The following ESCO2 variants were observed in gnomAD, a reference collection of about 807,000 sequenced individuals.
ESCO2 encodes N-acetyltransferase ESCO2.
A neutral mutation model predicts 61.7 loss-of-function variants in ESCO2; 51 were observed. The ratio of observed to expected loss-of-function variants is 0.83; its 90% confidence interval spans 0.66 to 1.04. The LOEUF is 1.04. Among genes scored for constraint, ESCO2 ranks in the 50% least tolerant of loss-of-function variants. The pLI, the probability that ESCO2 is intolerant of heterozygous loss-of-function variation, is 0.00. For missense variants in ESCO2, 692 were observed against 686.2 expected (o/e 1.01, Z -0.09); for synonymous variants, 230 against 238.2 (o/e 0.97, Z 0.32).
At chr8:27,806,705 C>T (rs1324009833), downstream of ESCO2, among the ~76,000 whole-genome samples, 1 of 151,816 alleles carries the variant, frequency 6.6e-6, no homozygotes, top group Non-Finnish European at 1.5e-5. Context: ...CTGCAACCTC[C>T]ACCTCCCGGG....
Position 27,788,846 on chromosome 8 carries a change from G to T in ESCO2, c.1132-1G>T, listed in dbSNP as rs1468175506. On this transcript the variant is annotated splice_acceptor_variant, in intron 6 of 10. Transcript: ENST00000305188. LOFTEE classifies it high-confidence loss of function. The stretch of plus-strand genomic sequence containing the variant: ...TTTCTTTTTTTACCCCCCAATTATA[G>T]GACGCTGGTCAGAAACATTTTGGGG... The T allele has an allele frequency of 6.2e-7, 1 of 1,613,856 alleles. No individual in the cohort carries two copies. Among genetic ancestry groups the T allele is most frequent in the Non-Finnish European group, 8.5e-7 (1 of 1,179,984 alleles).
At chr8:27,803,222 C>T in intron 10 of ESCO2, 84 bp from the exon 11 acceptor site, 1 of 1,227,854 alleles carries the variant, frequency 8.1e-7, no homozygotes. Flanking sequence ...TGATTTAAGT[C>T]AAGAGTATTT....
downstream of ESCO2, among the ~76,000 whole-genome samples, chr8:27,807,494 A>G (rs1805585293): frequency 6.6e-6 from 1 of 152,052 alleles, no homozygotes. Context: ...TTTTAATGTT[A>G]TTGGCTTCAG....
chr8:27,805,819 G>A (rs1805552957), downstream of ESCO2, among the ~76,000 whole-genome samples: 1 of 151,884 alleles, frequency 6.6e-6, no homozygotes, highest in Admixed American at 6.6e-5. Context: ...TGTCACCATG[G>A]TGCCCAGCCA....
Position 27,791,989 on chromosome 8 carries a change from A to T in ESCO2, c.1290A>T (p.Ala430=), listed in dbSNP as rs1484516561. The T allele has an allele frequency of 9.3e-6, 15 of 1,613,990 alleles. No individual in the cohort carries two copies. Among genetic ancestry groups the T allele is most frequent in the Non-Finnish European group, 1.1e-5 (13 of 1,180,012 alleles). ...GTTGGAAGAAAGAACGTGTAGTAGC[A>T]GAGTTTTGGGATGGGAAAATCGTGT... ...YVGWKKERVV[A]EFWDGKIVLV... The change falls in exon 8 of 11, where the codon GCA becomes GCT. Residue 430 remains alanine, a synonymous_variant. Coordinates refer to ENST00000305188, the MANE Select transcript of ESCO2 (RefSeq NM_001017420.3).
chr8:27,780,143 TGTTTG>T, intron 3 of ESCO2, 26 bp from the exon 4 acceptor site: 2 of 1,313,714 alleles, frequency 1.5e-6, no homozygotes, highest in Non-Finnish European at 1.1e-6. Context: ...AAATTACAGA[TGTTTG>T]GTTTTTTTTT....
chr8:27,795,496 T>C (rs1805274456), intron 9 of ESCO2, among the ~76,000 whole-genome samples: 1 of 152,230 alleles, frequency 6.6e-6, no homozygotes, highest in South Asian at 2.1e-4. Context: ...TAAATTTGAA[T>C]GCCTTTCTTT....
In ESCO2 at chr8:27,802,635, ATATATATATATATATATATAT is replaced by A. The variant is rs1196570179; in HGVS notation, c.1674-652_1674-632del. 5.3e-4 allele frequency among the ~76,000 whole-genome samples: 31 copies of A among 58,826 alleles called. 1 individual carries two copies. The highest frequency in any genetic ancestry group is 0.013 in the Middle Eastern group (1 of 80). 38.6% of individuals were successfully genotyped at this position (58,826 alleles called of 152,430 possible). ...AAAAAAAAAAAAAAAAAAAAAATAT[ATATATATATATATATATATAT>A]TATATATATATATATATAGTTACTG... On this transcript the variant is annotated intron_variant, in intron 10 of 10. Transcript: ENST00000305188.
intron 9 of ESCO2, among the ~76,000 whole-genome samples, chr8:27,793,400 A>ATAGC (rs1805222236): frequency 6.6e-6 from 1 of 152,024 alleles, no homozygotes; most frequent in African/African-American, 2.4e-5. Context: ...TCAAGCTAAT[A>ATAGC]TAGCTATACC....
Position 27,776,542 on chromosome 8 carries a change from A to T in ESCO2, c.234A>T (p.Lys78Asn). Residue 78 changes from lysine to asparagine, a missense_variant, in exon 3 of 11, where the codon AAA (lysine) becomes AAT (asparagine). Coordinates refer to ENST00000305188, the MANE Select transcript of ESCO2 (RefSeq NM_001017420.3). ...LPSANQGSPF[K>N]SALSTVSFYN... ...CAGCAAATCAAGGCTCACCATTTAAATCTGCGCTCTCCACTGTATCTTTTT... is the reference window on the plus strand; with the variant it reads ...CAGCAAATCAAGGCTCACCATTTAATTCTGCGCTCTCCACTGTATCTTTTT... 1 of 1,614,198 alleles carries T rather than the reference A, an allele frequency of 6.2e-7. No homozygotes were observed. The highest frequency in any genetic ancestry group is 2.2e-5 in the East Asian group (1 of 44,876).
At chr8:27,799,086 G>T (rs1213474941) in intron 9 of ESCO2, among the ~76,000 whole-genome samples, 2 of 152,162 alleles carry the variant, frequency 1.3e-5, no homozygotes, top group Admixed American at 1.3e-4. Flanking sequence ...AAGGATACAT[G>T]CTCCTCTGTA....
chr8:27,781,672 C>T (rs531842582), intron 4 of ESCO2, among the ~76,000 whole-genome samples: 26 of 151,886 alleles, frequency 1.7e-4, no homozygotes, highest in Non-Finnish European at 3.2e-4. Flanking sequence ...GCATTTCTCC[C>T]GCCTCAGCCT....
At chr8:27,800,834 C>T (rs116005330) in intron 10 of ESCO2, among the ~76,000 whole-genome samples, 1,986 of 152,248 alleles carry the variant, frequency 0.013, 44 homozygotes, top group African/African-American at 0.045. Flanking sequence ...TGAAATAAAT[C>T]AGTTGCAGAA....
intron 6 of ESCO2, 82 bp downstream of exon 6, chr8:27,788,084 C>A: frequency 1.0e-6 from 1 of 961,308 alleles, no homozygotes; most frequent in Non-Finnish European, 1.7e-6. Context: ...CAGTTCAGAA[C>A]TTGGTATTTT....
downstream of ESCO2, among the ~76,000 whole-genome samples, chr8:27,817,590 T>C (rs73570374): frequency 0.018 from 2,671 of 152,226 alleles, 64 homozygotes; most frequent in African/African-American, 0.054. Flanking sequence ...CTTGAAACTT[T>C]TGCGCAATGA....
At chr8:27,811,720 T>A (rs1270717999), downstream of ESCO2, among the ~76,000 whole-genome samples, 1 of 152,224 alleles carries the variant, frequency 6.6e-6, no homozygotes, top group African/African-American at 2.4e-5. Context: ...ACTAAATCTC[T>A]GGATCAATTT....
At chr8:27,808,217 C>G, downstream of ESCO2, 1 of 1,244,344 alleles carries the variant, frequency 8.0e-7, no homozygotes. Flanking sequence ...AAATAGGTAC[C>G]AGGAGACATG....
intron 9 of ESCO2, among the ~76,000 whole-genome samples, chr8:27,793,774 C>T (rs999345475): frequency 1.5e-4 from 23 of 152,100 alleles, no homozygotes; most frequent in Admixed American, 6.5e-4. Context: ...CATGAGCCAC[C>T]GCACCCGGCC....
At chr8:27,807,117 T>G (rs73568229), downstream of ESCO2, among the ~76,000 whole-genome samples, 2,683 of 152,314 alleles carry the variant, frequency 0.018, 64 homozygotes, top group African/African-American at 0.054. Context: ...CTTACAATAT[T>G]GCATTTCTAA....
Sources: allele counts gnomAD v4.1 joint callset (sites outside exome capture counted in the v4.1 genomes callset), GRCh38; gene constraint gnomAD v4.1.1; transcripts MANE v1.5; gene names NCBI Gene and HGNC (gene_info 2026-07-23, HGNC 2026-07-21).